ACE: variants seen among roughly 807,000 people sequenced by gnomAD.
ACE encodes the protein angiotensin I converting enzyme, also known as angiotensin-converting enzyme.
Under a neutral mutation model 162.3 loss-of-function variants are expected in ACE, and 122 were observed. The ratio of observed to expected loss-of-function variants is 0.75; its 90% CI spans 0.65 to 0.87. The LOEUF (loss-of-function observed/expected upper bound fraction) is 0.87, where lower values mean the gene tolerates loss of function less well. Among genes scored for constraint, ACE ranks in the 40% least tolerant of loss-of-function variants. The pLI is 0.00. For synonymous variants in ACE, 796 were observed against 720.6 expected (o/e 1.10, Z -1.68); for missense variants, 1,799 against 1,735.1 (o/e 1.04, Z -0.65).
chr17:63,483,609 C>T, intron 10 of ACE, 51 bp downstream of exon 10: 1 of 1,368,710 alleles, frequency 7.3e-7, no homozygotes, highest in South Asian at 1.2e-5. Flanking sequence ...ACCCTCAATC[C>T]ACTTCTCCTC....
At position 63,486,906 on chromosome 17, in the gene ACE, A is replaced by G. The variant is rs2029985375; in HGVS notation, c.2218-80A>G. 9.4e-6 allele frequency: 14 copies of G among 1,488,190 alleles called. No individual in the cohort carries two copies. The Admixed American group carries it at 2.0e-4, about 21-fold the overall frequency. The allele number at this position is 1,488,190 out of a possible 1,614,324, so 92.2% of individuals were successfully genotyped here. A position where few individuals can be genotyped will look rare whatever the true frequency, so the allele number is the denominator to read the frequency against. On this transcript the variant is annotated intron_variant, in intron 14 of 24. Coordinates refer to ENST00000290866, the MANE Select transcript of ACE (RefSeq NM_000789.4). ...TCCCTGGCTCCCCACCTGCCAGCCC[A>G]TGGGGCCTGGGGGTAGTGCAGGCCC...
At position 63,486,764 on chromosome 17, in the gene ACE, C is replaced by A. The variant is rs371339574; in HGVS notation, c.2217+49C>A. On this transcript the variant is annotated intron_variant, in intron 14 of 24. Transcript: ENST00000290866. ...GAGAGGGGAATCCTGGGGCAGTGAG[C>A]CCAACACAGGGTCTGGCCTGGCCTT... 7 of 1,611,342 alleles carry A rather than the reference C, an allele frequency of 4.3e-6. No individual in the cohort carries two copies. In the Admixed American group the frequency reaches 6.7e-5, roughly 15 times the overall value.
intron 9 of ACE, 86 bp from the exon 10 acceptor site, chr17:63,483,373 GC>G (rs1367342874): frequency 6.8e-7 from 1 of 1,476,998 alleles, no homozygotes; most frequent in African/African-American, 1.4e-5. Flanking sequence ...GGGAAGGGTT[GC>G]CGGGTGGAAA....
In ACE at chr17:63,483,040, A is replaced by G; in HGVS notation, c.1354A>G (p.Asn452Asp). Residue 452 changes from asparagine to aspartate, a missense_variant, in exon 9 of 25, where the codon AAT becomes GAT. Physicochemically the swap from Asn to Asp is conservative, Grantham distance 23. Transcript: ENST00000290866. Reference sequence around the variant, plus strand: ...TCATCTCCCAACAGAAAGTGACATCAATTACTTGCTAAAAATGGCACTGGA... The same window carrying G: ...TCATCTCCCAACAGAAAGTGACATCGATTACTTGCTAAAAATGGCACTGGA... ...RVTNDTESDINYLLKMALEKI... is the reference protein window; with the variant it reads ...RVTNDTESDIDYLLKMALEKI... 6.2e-7 allele frequency: 1 copy of G among 1,613,964 alleles called. No homozygotes were observed. Among genetic ancestry groups the G allele is most frequent in the Non-Finnish European group, 8.5e-7 (1 of 1,179,990 alleles).
In ACE at chr17:63,483,567, G is replaced by GCGGGGGGGGGGCGCCCC; in HGVS notation, c.1586+10_1586+11insGGGGGGGGGGCGCCCCC. 6.3e-7 allele frequency: 1 copy of GCGGGGGGGGGGCGCCCC among 1,589,582 alleles called. No homozygotes were observed. Among genetic ancestry groups the GCGGGGGGGGGGCGCCCC allele is most frequent in the Non-Finnish European group, 8.6e-7 (1 of 1,165,688 alleles). ...GTGACACCATACATCAGGTATTAGC[G>GCGGGGGGGGGGCGCCCC]CCCCCACCCCACCCACCCCCAGTAC... On this transcript the variant is annotated intron_variant, in intron 10 of 24. Coordinates refer to ENST00000290866, the MANE Select transcript of ACE (RefSeq NM_000789.4).
intron 3 of ACE, among the ~76,000 whole-genome samples, chr17:63,479,472 C>T (rs910990157): frequency 2.6e-5 from 4 of 152,162 alleles, no homozygotes; most frequent in Non-Finnish European, 4.4e-5. Context: ...TGAGCAGCTT[C>T]GAGGAAGGCA....
chr17:63,494,873 GC>G (rs1208616622), intron 22 of ACE, among the ~76,000 whole-genome samples: 4 of 152,210 alleles, frequency 2.6e-5, no homozygotes, highest in African/African-American at 9.6e-5. Context: ...GTACCTGGAA[GC>G]CCTTCTAGAC....
At chr17:63,490,636 G>A (rs1599151061) in intron 17 of ACE, 1 of 414,124 alleles carries the variant, frequency 2.4e-6, no homozygotes, top group Admixed American at 3.5e-5. Flanking sequence ...GGGTGTAGGT[G>A]TTCTGGGGAC....
chr17:63,488,063 C>T (rs1211300402), intron 15 of ACE, among the ~76,000 whole-genome samples: 1 of 152,134 alleles, frequency 6.6e-6, no homozygotes, highest in Non-Finnish European at 1.5e-5. Flanking sequence ...GGTGAAACCC[C>T]ATCTGTACTA....
At position 63,482,707 on chromosome 17, in the gene ACE, G is replaced by C. The variant is rs1004559158; in HGVS notation, c.1342+18G>C. On this transcript the variant is annotated intron_variant, in intron 8 of 24. Transcript: ENST00000290866. ...TGACACGGGTATGGGAGGGCTGAGA[G>C]GCCCCCACCCAGCCTCACCTAAACC... 1 of 1,610,404 alleles carries C rather than the reference G, an allele frequency of 6.2e-7. No individual in the cohort carries two copies. Among genetic ancestry groups the C allele is most frequent in the African/African-American group, 1.3e-5 (1 of 74,842 alleles).
intron 8 of ACE, among the ~76,000 whole-genome samples, 166 bp from the exon 9 acceptor site, chr17:63,482,863 A>G (rs1261019527): frequency 1.3e-5 from 2 of 151,932 alleles, no homozygotes; most frequent in African/African-American, 4.8e-5. Context: ...CCAGCTCAGC[A>G]CACCTGGGGG....
chr17:63,480,630 A>G (rs1001895327), intron 5 of ACE, 102 bp downstream of exon 5: 3 of 1,245,908 alleles, frequency 2.4e-6, no homozygotes, highest in Non-Finnish European at 3.5e-6. Context: ...TGTGACCCTC[A>G]CATCTCACAT....
chr17:63,492,956 A>G (rs2030478174), intron 19 of ACE, among the ~76,000 whole-genome samples: 1 of 152,218 alleles, frequency 6.6e-6, no homozygotes, highest in African/African-American at 2.4e-5. Flanking sequence ...TCCTGGCCAT[A>G]AGAATTCTTG....
chr17:63,493,270 C>G (rs535114570), intron 19 of ACE, among the ~76,000 whole-genome samples, 166 bp from the exon 20 acceptor site: 8 of 152,298 alleles, frequency 5.3e-5, no homozygotes, highest in African/African-American at 1.7e-4. Flanking sequence ...TTCCCTCTTA[C>G]GCACACTCAG....
rs1166034708 is a variant in ACE at position 63,494,024 on chromosome 17, G to A, written c.3239G>A (p.Ser1080Asn). The A allele has an allele frequency of 5.0e-6, 8 of 1,614,020 alleles. No individual in the cohort carries two copies. In the Admixed American group the frequency reaches 1.2e-4, roughly 24 times the overall value. The stretch of plus-strand genomic sequence containing the variant: ...TGGCGCTGGAGGGTATTTGATGGAA[G>A]CATCACCAAGGAGAACTATAACCAG... ...DQWRWRVFDG[S>N]ITKENYNQEW... Residue 1080 changes from serine to asparagine, a missense_variant, in exon 21 of 25, where the codon AGC becomes AAC. By Grantham distance (46) the Ser-to-Asn change is conservative. Coordinates refer to ENST00000290866, the MANE Select transcript of ACE (RefSeq NM_000789.4).
At chr17:63,487,130 CG>C in intron 15 of ACE, 57 bp downstream of exon 15, 13 of 1,487,812 alleles carry the variant, frequency 8.7e-6, no homozygotes, top group Non-Finnish European at 1.1e-5. Flanking sequence ...GCATGGGGCC[CG>C]GGGGTGCTGG....
At chr17:63,481,230 T>TGGGGGGGGGGGGG (rs2049704552) in intron 6 of ACE, 42 bp downstream of exon 6, 1 of 524,274 alleles carries the variant, frequency 1.9e-6, no homozygotes, top group Non-Finnish European at 3.4e-6. Flanking sequence ...GGGTCGGGGG[T>TGGGGGGGGGGGGG]GGGGCGCAAA....
At position 63,488,925 on chromosome 17, in the gene ACE, T is replaced by TGTG. The variant is rs1027581780; in HGVS notation, c.2450-15_2450-13dup. ...TAATGTGGTGTTGGGAGAGCCTGGC[T>TGTG]GTGTCCCCTCTGTAGGCTATGTAGA... On this transcript the variant is annotated splice_polypyrimidine_tract_variant and intron_variant, in intron 16 of 24. Transcript: ENST00000290866. The TGTG allele has an allele frequency of 6.2e-7, 1 of 1,613,898 alleles. No homozygotes were observed. The highest frequency in any genetic ancestry group is 8.5e-7 in the Non-Finnish European group (1 of 1,180,036).
In ACE at chr17:63,483,786, G is replaced by C. The variant is rs542654276; in HGVS notation, c.1587-63G>C. The C allele has an allele frequency of 1.2e-4, 190 of 1,612,084 alleles. No individual in the cohort carries two copies. The African/African-American group carries it at 2.2e-3, about 19-fold the overall frequency. ...CCCTGCAGGAAGCTGGATGGTGCCT[G>C]GGTAAGGAACCCCTGTTCCTGGCCC... On this transcript the variant is annotated intron_variant, in intron 10 of 24. Transcript: ENST00000290866.
Sources: gnomAD v4.1 joint callset for allele counts (sites outside exome capture counted in the v4.1 genomes callset) on GRCh38, gnomAD v4.1.1 for gene constraint, MANE v1.5 for transcripts, NCBI Gene and HGNC (gene_info 2026-07-23, HGNC 2026-07-21) for gene names.